The following MRPL24 variants were observed in gnomAD, a reference collection of about 807,000 sequenced individuals.
MRPL24 encodes large ribosomal subunit protein uL24m.
Under a neutral mutation model 26.9 loss-of-function variants are expected in MRPL24, and 15 were observed. The ratio of observed to expected loss-of-function variants is 0.56; its 90% CI spans 0.37 to 0.86. The LOEUF (loss-of-function observed/expected upper bound fraction) is 0.86. Ranked by LOEUF, MRPL24 falls within the 40% of genes least tolerant of loss-of-function variation. The pLI is 0.00. For synonymous variants in MRPL24, 92 were observed against 102.4 expected (o/e 0.90, Z 0.62); for missense variants, 241 against 281.4 (o/e 0.86, Z 1.03).
chr1:156,737,713 T>C lies in MRPL24; in HGVS notation c.447A>G (p.Arg149=). 6.2e-7 allele frequency: 1 copy of C among 1,614,138 alleles called. No individual in the cohort carries two copies. The highest frequency in any genetic ancestry group is 8.5e-7 in the Non-Finnish European group (1 of 1,180,020). The change falls in exon 5 of 6, where the codon CGA becomes CGG. Residue 149 remains arginine (R), a synonymous_variant. Coordinates refer to ENST00000361531, the MANE Select transcript of MRPL24 (RefSeq NM_145729.3). ...EAGERVRVST[R]SGRIIPKPEF... ...CGGGTTTAGGGATAATTCTCCCTGA[T>C]CGTGTGGAGACTCGTACCCGCTCTC...
chr1:156,737,601 T>A, intron 5 of MRPL24, 45 bp downstream of exon 5: 1 of 1,611,314 alleles, frequency 6.2e-7, no homozygotes, highest in Non-Finnish European at 8.5e-7. Flanking sequence ...TCCCCTACTC[T>A]CACTCCTAGC....
chr1:156,741,333 C>T (rs1318136485), upstream of MRPL24: 1 of 152,152 alleles, frequency 6.6e-6, no homozygotes, highest in East Asian at 1.9e-4. Flanking sequence ...CACATTCCCG[C>T]GCATGCTCTG....
chr1:156,738,390 G>C lies in MRPL24; in HGVS notation c.232C>G (p.Gln78Glu), dbSNP rs1163215892. 3.7e-6 allele frequency: 6 copies of C among 1,613,984 alleles called. No individual in the cohort carries two copies. In the East Asian group the frequency reaches 1.3e-4, roughly 36 times the overall value. Residue 78 changes from glutamine (Q) to glutamate (E), a missense_variant, in exon 3 of 6, where the codon CAA becomes GAA. Coordinates refer to ENST00000361531, the MANE Select transcript of MRPL24 (RefSeq NM_145729.3). ...KDAGKQGKVV[Q>E]VIRQRNWVVV... ...ACCCAGTTTCGCTGCCGGATAACTT[G>C]AACCACTTTGCCCTGCTTCCCGGCA... is the stretch of plus-strand genomic sequence containing the variant.
chr1:156,737,873 C>T lies in MRPL24; in HGVS notation c.384-97G>A, dbSNP rs1300662260. Reference sequence around the variant, plus strand: ...TGGTTCAAAACACAAGGGTTACCACCGCGTTTCTCCACCTCTGTGTTGGGG... The same window carrying T: ...TGGTTCAAAACACAAGGGTTACCACTGCGTTTCTCCACCTCTGTGTTGGGG... On this transcript the variant is annotated intron_variant, in intron 4 of 5. Transcript: ENST00000361531. 2.9e-5 allele frequency: 44 copies of T among 1,530,552 alleles called. 1 individual carries two copies. Among genetic ancestry groups the T allele is most frequent in the Non-Finnish European group, 3.4e-5 (38 of 1,125,256 alleles). The allele number at this position is 1,530,552 out of a possible 1,614,324, so 94.8% of individuals were successfully genotyped here.
chr1:156,741,753 T>A (rs1446756522), upstream of MRPL24, among the ~76,000 whole-genome samples: 1 of 152,206 alleles, frequency 6.6e-6, no homozygotes, highest in Non-Finnish European at 1.5e-5. Context: ...ATTATTTGAC[T>A]TGCACTTTGG....
At chr1:156,740,080 A>G (rs1400385348) in intron 1 of MRPL24, among the ~76,000 whole-genome samples, 2 of 152,212 alleles carry the variant, frequency 1.3e-5, no homozygotes, top group Non-Finnish European at 2.9e-5. Context: ...ATAATGTATT[A>G]TTATCCCTGT....
In MRPL24 at chr1:156,737,714, C is replaced by G. The variant is rs377049332; in HGVS notation, c.446G>C (p.Arg149Pro). The change falls in exon 5 of 6, where the codon CGA becomes CCA. Residue 149 changes from arginine (R) to proline (P), a missense_variant. Transcript: ENST00000361531. ...GGGTTTAGGGATAATTCTCCCTGAT[C>G]GTGTGGAGACTCGTACCCGCTCTCC... ...EAGERVRVST[R>P]SGRIIPKPEF... 2.5e-6 allele frequency: 4 copies of G among 1,614,136 alleles called. No individual in the cohort carries two copies. Among genetic ancestry groups the G allele is most frequent in the South Asian group, 1.1e-5 (1 of 91,082 alleles).
Position 156,738,755 on chromosome 1 carries a change from C to T in MRPL24, c.-51G>A. The stretch of plus-strand genomic sequence containing the variant: ...TGCCAGCAAAACGCTCGAAACCTTC[C>T]TTGTCAGCTCTGGGCAGATGGATAG... On this transcript the variant is annotated 5_prime_UTR_variant, in exon 2 of 6. Transcript: ENST00000361531. 1.3e-6 allele frequency: 2 copies of T among 1,517,558 alleles called. No homozygotes were observed. The highest frequency in any genetic ancestry group is 1.8e-6 in the Non-Finnish European group (2 of 1,129,250). 94.0% of individuals were successfully genotyped at this position (1,517,558 alleles called of 1,614,324 possible).
chr1:156,740,017 G>A (rs914616509), intron 1 of MRPL24, among the ~76,000 whole-genome samples: 2 of 152,258 alleles, frequency 1.3e-5, no homozygotes, highest in African/African-American at 2.4e-5. Context: ...CATTTACAGG[G>A]TTGTGGGTGT....
upstream of MRPL24, chr1:156,741,308 G>A (rs1382794275): frequency 6.6e-6 from 1 of 152,224 alleles, no homozygotes; most frequent in Non-Finnish European, 1.5e-5. Context: ...AAGCTGGTTC[G>A]GCTGGCCCGC....
chr1:156,738,152 G>A lies in MRPL24; in HGVS notation c.280-18C>T, dbSNP rs1649947284. ...CGGTAATGCTGTCCAAGAGAGGGGA[G>A]TGTCAGAAAGCACGGGGTGTGAAAG... On this transcript the variant is annotated intron_variant, in intron 3 of 5. Coordinates refer to ENST00000361531, the MANE Select transcript of MRPL24 (RefSeq NM_145729.3). 3 of 1,612,396 alleles carry A rather than the reference G, an allele frequency of 1.9e-6. No individual in the cohort carries two copies. Among genetic ancestry groups the A allele is most frequent in the Non-Finnish European group, 2.5e-6 (3 of 1,178,462 alleles).
upstream of MRPL24, chr1:156,742,105 A>C (rs999740611): frequency 6.5e-6 from 1 of 152,680 alleles, no homozygotes; most frequent in African/African-American, 2.4e-5. Flanking sequence ...GTCAGAATCC[A>C]ATATAGTAAT....
Sources: allele counts gnomAD v4.1 joint callset (sites outside exome capture counted in the v4.1 genomes callset), GRCh38; gene constraint gnomAD v4.1.1; transcripts MANE v1.5; gene names NCBI Gene and HGNC (gene_info 2026-07-23, HGNC 2026-07-21).